Variants in SGCZ observed in about 807,000 individuals in gnomAD.
The protein encoded by SGCZ is sarcoglycan zeta, also known as zeta-sarcoglycan.
Under a neutral mutation model 41.3 loss-of-function variants are expected in SGCZ, and 40 were observed. That is an observed-to-expected ratio of 0.97 (90% confidence interval 0.75 to 1.26). The LOEUF is 1.26. SGCZ is among the 50% of genes most tolerant of loss of function. The pLI is 0.00. For synonymous variants in SGCZ, 206 were observed against 137.5 expected (o/e 1.50, Z -3.49); for missense variants, 552 against 369.8 (o/e 1.49, Z -4.04).
intron 1 of SGCZ, among the ~76,000 whole-genome samples, chr8:14,610,892 A>T (rs1036617473): frequency 6.6e-6 from 1 of 152,208 alleles, no homozygotes; most frequent in Non-Finnish European, 1.5e-5. Flanking sequence ...GATAATATTT[A>T]TGGAATTGTA....
At chr8:14,102,106 T>TATA (rs1491151875) in intron 7 of SGCZ, among the ~76,000 whole-genome samples, 20 of 36,648 alleles carry the variant, frequency 5.5e-4, no homozygotes, top group African/African-American at 2.5e-3. Context: ...ATATATATAA[T>TATA]TTTTTTTTTT....
intron 4 of SGCZ, among the ~76,000 whole-genome samples, chr8:14,176,079 T>C (rs1585202756): frequency 6.6e-6 from 1 of 152,146 alleles, no homozygotes; most frequent in African/African-American, 2.4e-5. Flanking sequence ...AAAAAGAAAT[T>C]GTCAAATCCT....
At chr8:15,164,261 TG>T (rs1799590898) in intron 1 of SGCZ, among the ~76,000 whole-genome samples, 1 of 152,154 alleles carries the variant, frequency 6.6e-6, no homozygotes, top group Non-Finnish European at 1.5e-5. Flanking sequence ...CTCTCACTGT[TG>T]CTTCTACGCC....
chr8:14,262,970 A>C (rs1799726449), intron 3 of SGCZ, among the ~76,000 whole-genome samples: 1 of 152,204 alleles, frequency 6.6e-6, no homozygotes, highest in Admixed American at 6.5e-5. Context: ...TTACGCGAAC[A>C]CTTGCCTGCA....
At chr8:14,262,890 T>A (rs909087490) in intron 3 of SGCZ, among the ~76,000 whole-genome samples, 8 of 150,318 alleles carry the variant, frequency 5.3e-5, no homozygotes, top group African/African-American at 1.7e-4. Flanking sequence ...AAATCTTATA[T>A]ATTTAAGCAC....
At chr8:14,648,552 A>G (rs996366218) in intron 1 of SGCZ, among the ~76,000 whole-genome samples, 6 of 152,112 alleles carry the variant, frequency 3.9e-5, no homozygotes, top group Non-Finnish European at 8.8e-5. Context: ...ATACAGCAAA[A>G]AATGAATTCC....
chr8:15,065,688 C>T (rs1289243033), intron 1 of SGCZ, among the ~76,000 whole-genome samples: 1 of 151,940 alleles, frequency 6.6e-6, no homozygotes, highest in Non-Finnish European at 1.5e-5. Context: ...ATCCATCTGC[C>T]TCAGTCTCCC....
intron 2 of SGCZ, among the ~76,000 whole-genome samples, chr8:14,511,393 C>A (rs913852858): frequency 5.3e-5 from 8 of 151,814 alleles, no homozygotes; most frequent in African/African-American, 1.9e-4. Context: ...GATGATTTAA[C>A]AAAATCTGTA....
intron 1 of SGCZ, among the ~76,000 whole-genome samples, chr8:14,952,948 C>G (rs1301717075): frequency 6.6e-6 from 1 of 152,050 alleles, no homozygotes. Context: ...CTGCAAAATT[C>G]TAGAGCAAGA....
chr8:14,871,864 ATATATATGTATG>A lies in SGCZ; in HGVS notation c.40-316950_40-316939del, dbSNP rs199726116. On this transcript the variant is annotated intron_variant, in intron 1 of 7. Coordinates refer to ENST00000382080, the MANE Select transcript of SGCZ (RefSeq NM_139167.4). ...TGTATGTATATATATGCATGTATGTATATATATGTATGTATATATGTATGTATATATGTATGT... is the reference window on the plus strand; with the variant it reads ...TGTATGTATATATATGCATGTATGTATATATATGTATGTATATATGTATGT... 3.4e-3 allele frequency among the ~76,000 whole-genome samples: 508 copies of A among 150,458 alleles called. 3 individuals carry two copies. The highest frequency in any genetic ancestry group is 0.011 in the African/African-American group (436 of 40,854).
At chr8:15,183,929 G>A (rs1039584443) in intron 1 of SGCZ, among the ~76,000 whole-genome samples, 3 of 152,062 alleles carry the variant, frequency 2.0e-5, no homozygotes, top group African/African-American at 7.2e-5. Context: ...ACTGCACAGA[G>A]TAATAAAGGT....
At chr8:14,572,602 G>A (rs145812303) in intron 1 of SGCZ, among the ~76,000 whole-genome samples, 8 of 152,272 alleles carry the variant, frequency 5.3e-5, no homozygotes, top group African/African-American at 1.9e-4. Context: ...AGGAGACATA[G>A]GAGGAGGCTT....
chr8:15,165,687 G>C (rs1005968834), intron 1 of SGCZ, among the ~76,000 whole-genome samples: 1 of 152,172 alleles, frequency 6.6e-6, no homozygotes, highest in African/African-American at 2.4e-5. Context: ...ACAGTAAAAT[G>C]TGTTTTTTAA....
chr8:15,178,740 A>G (rs548159968), intron 1 of SGCZ, among the ~76,000 whole-genome samples: 10 of 152,190 alleles, frequency 6.6e-5, no homozygotes, highest in Non-Finnish European at 1.3e-4. Context: ...ATTCTATATA[A>G]TAGCCCAAAT....
At chr8:15,213,038 T>C (rs1225768246) in intron 1 of SGCZ, among the ~76,000 whole-genome samples, 1 of 151,954 alleles carries the variant, frequency 6.6e-6, no homozygotes, top group Non-Finnish European at 1.5e-5. Context: ...TTTAACTAAA[T>C]GCACAAAAGC....
intron 5 of SGCZ, among the ~76,000 whole-genome samples, chr8:14,155,710 T>G (rs1218371190): frequency 6.7e-6 from 1 of 150,164 alleles, no homozygotes; most frequent in Non-Finnish European, 1.5e-5. Flanking sequence ...AAAATATATA[T>G]TATATATTTA....
At chr8:14,519,579 A>G (rs1585624531) in intron 2 of SGCZ, among the ~76,000 whole-genome samples, 1 of 152,120 alleles carries the variant, frequency 6.6e-6, no homozygotes, top group Admixed American at 6.6e-5. Context: ...GTATTAGAAA[A>G]TGTTAGTGAT....
At chr8:14,834,522 T>G (rs769081719) in intron 1 of SGCZ, among the ~76,000 whole-genome samples, 3 of 152,136 alleles carry the variant, frequency 2.0e-5, no homozygotes, top group Non-Finnish European at 4.4e-5. Flanking sequence ...CCTGAAAAGA[T>G]GTTACTCCTA....
chr8:15,123,478 G>A (rs1807562801), intron 1 of SGCZ, among the ~76,000 whole-genome samples: 1 of 152,160 alleles, frequency 6.6e-6, no homozygotes. Flanking sequence ...TATTAGACCA[G>A]AGGAGATATA....
Sources: allele counts gnomAD v4.1 joint callset (sites outside exome capture counted in the v4.1 genomes callset), GRCh38; gene constraint gnomAD v4.1.1; transcripts MANE v1.5; gene names NCBI Gene and HGNC (gene_info 2026-07-23, HGNC 2026-07-21).